Variants in DPH5 observed in about 807,000 individuals in gnomAD.
The protein encoded by DPH5 is diphthine methyl ester synthase.
In DPH5, 31 loss-of-function variants were observed where a neutral mutation model predicts 31.6. That is an observed-to-expected ratio of 0.98 (90% CI 0.74 to 1.32). The LOEUF (loss-of-function observed/expected upper bound fraction) is 1.32, where lower values mean the gene tolerates loss of function less well. Among genes scored for constraint, DPH5 ranks in the 40% most tolerant of loss-of-function variants. The pLI is 0.00. For missense variants in DPH5, 309 were observed against 335.7 expected (o/e 0.92, Z 0.62); for synonymous variants, 120 against 115.0 (o/e 1.04, Z -0.28).
chr1:100,999,425 G>C (rs1275879137), intron 5 of DPH5, among the ~76,000 whole-genome samples: 2 of 152,190 alleles, frequency 1.3e-5, no homozygotes, highest in African/African-American at 4.8e-5. Context: ...ACTCCAGCCT[G>C]GGAGACAGAG....
Position 101,001,569 on chromosome 1 carries a change from T to C in DPH5, c.388A>G (p.Thr130Ala). The C allele has an allele frequency of 6.3e-7, 1 of 1,595,852 alleles. No homozygotes were observed. Among genetic ancestry groups the C allele is most frequent in the Non-Finnish European group, 8.6e-7 (1 of 1,164,604 alleles). ...TCTGTCCAAAAAACAATAGAAACTGTCTCTCCAAACTTATATAACTAGAAA... is the reference window on the plus strand; with the variant it reads ...TCTGTCCAAAAAACAATAGAAACTGCCTCTCCAAACTTATATAACTAGAAA... Reference protein sequence around the residue: ...CGLQLYKFGETVSIVFWTDTW... With the variant: ...CGLQLYKFGEAVSIVFWTDTW... Residue 130 changes from threonine (T) to alanine (A), a missense_variant, in exon 5 of 8, where the codon ACA (threonine) becomes GCA (alanine). By Grantham distance (58) the Thr-to-Ala change is moderately conservative (BLOSUM62 0). Transcript: ENST00000370109.
intron 3 of DPH5, 131 bp from the exon 4 acceptor site, chr1:101,013,949 C>T: frequency 1.6e-6 from 1 of 627,584 alleles, no homozygotes. Context: ...CACACACCTG[C>T]ATAAGGCTTT....
At chr1:100,993,908 T>C (rs2101146145) in intron 6 of DPH5, among the ~76,000 whole-genome samples, 1 of 151,520 alleles carries the variant, frequency 6.6e-6, no homozygotes, top group Non-Finnish European at 1.5e-5. Context: ...GCCTGGCTAA[T>C]TTTTTTTGTA....
chr1:101,025,764 C>T lies in DPH5; in HGVS notation c.-105G>A. The T allele has an allele frequency of 3.3e-6, 1 of 302,232 alleles. No individual in the cohort carries two copies. The allele number at this position is 302,232 out of a possible 1,614,324, so 18.7% of individuals were successfully genotyped here. ...TTCCGCAGAAGCAACTGCAAAAGCG[C>T]CGGCTCCGTGCAGAGAAAAGGCCCA... is the stretch of plus-strand genomic sequence containing the variant. On this transcript the variant is annotated 5_prime_UTR_variant, in exon 1 of 8. Transcript: ENST00000370109.
At chr1:101,011,293 A>G (rs1271814790) in intron 4 of DPH5, among the ~76,000 whole-genome samples, 1 of 152,224 alleles carries the variant, frequency 6.6e-6, no homozygotes, top group East Asian at 1.9e-4. Flanking sequence ...TTTCAGTGGT[A>G]TAAGAAGTAT....
intron 6 of DPH5, among the ~76,000 whole-genome samples, chr1:100,993,598 A>ATATATATATATATATATG (rs71084858): frequency 2.3e-5 from 3 of 128,258 alleles, no homozygotes; most frequent in East Asian, 4.5e-4. Flanking sequence ...ATATATATAT[A>ATATATATATATATATATG]GCTATTGTGG....
chr1:101,007,716 C>A (rs778024837), intron 4 of DPH5, among the ~76,000 whole-genome samples: 9 of 150,338 alleles, frequency 6.0e-5, no homozygotes, highest in Non-Finnish European at 1.2e-4. Flanking sequence ...CTCCGTCCCC[C>A]CCGAAAAAAA....
Position 101,025,773 on chromosome 1 carries a change from T to A in DPH5, c.-114A>T. The A allele has an allele frequency of 3.7e-6, 1 of 272,288 alleles. No homozygotes were observed. Among genetic ancestry groups the A allele is most frequent in the Non-Finnish European group, 7.1e-6 (1 of 141,514 alleles). 16.9% of individuals were successfully genotyped at this position (272,288 alleles called of 1,614,324 possible). A position where few individuals can be genotyped will look rare whatever the true frequency, so the allele number is the denominator to read the frequency against. On this transcript the variant is annotated 5_prime_UTR_variant, in exon 1 of 8. Coordinates refer to ENST00000370109, the MANE Select transcript of DPH5 (RefSeq NM_015958.3). The stretch of plus-strand genomic sequence containing the variant: ...AGCAACTGCAAAAGCGCCGGCTCCG[T>A]GCAGAGAAAAGGCCCACGCCGCCGG...
intron 3 of DPH5, among the ~76,000 whole-genome samples, chr1:101,016,808 C>T (rs1424669399): frequency 6.6e-6 from 1 of 152,128 alleles, no homozygotes; most frequent in Non-Finnish European, 1.5e-5. Flanking sequence ...AGACATGTGA[C>T]TCTTTCACTT....
rs1337004978 is a variant in DPH5 at position 100,992,742 on chromosome 1, T to G, written c.531-2A>C. 1.2e-6 allele frequency: 2 copies of G among 1,607,046 alleles called. No individual in the cohort carries two copies. The highest frequency in any genetic ancestry group is 8.5e-7 in the Non-Finnish European group (1 of 1,174,322). On this transcript the variant is annotated splice_acceptor_variant, in intron 6 of 7. Transcript: ENST00000370109. LOFTEE classifies it high-confidence loss of function. Reference sequence around the variant, plus strand: ...GGAGGTTCATAGATCTTCCTTCCCCTATAGGCAGAAAACTAGATGCCACTG... The same window carrying G: ...GGAGGTTCATAGATCTTCCTTCCCCGATAGGCAGAAAACTAGATGCCACTG...
chr1:101,018,068 G>C (rs1185125316), intron 3 of DPH5, among the ~76,000 whole-genome samples: 1 of 151,994 alleles, frequency 6.6e-6, no homozygotes, highest in East Asian at 1.9e-4. Flanking sequence ...TCATATATGT[G>C]TATATGTATG....
chr1:101,021,202 A>T (rs779146818), intron 3 of DPH5, among the ~76,000 whole-genome samples: 12 of 152,208 alleles, frequency 7.9e-5, no homozygotes, highest in Non-Finnish European at 1.5e-4. Context: ...AAGCAAAGTG[A>T]CGGCAGTATT....
intron 5 of DPH5, among the ~76,000 whole-genome samples, chr1:100,998,281 C>T (rs927461316): frequency 1.3e-5 from 2 of 151,982 alleles, no homozygotes; most frequent in South Asian, 2.1e-4. Context: ...GAGGTTGAGA[C>T]GGGCAGATCA....
intron 2 of DPH5, chr1:101,023,207 T>C (rs1660589618): frequency 6.6e-6 from 1 of 151,844 alleles, no homozygotes; most frequent in Non-Finnish European, 1.5e-5. Flanking sequence ...TAAAAAAACA[T>C]AATAAATAAT....
chr1:100,993,557 TAA>T (rs1491387421), intron 6 of DPH5, among the ~76,000 whole-genome samples: 4 of 76,934 alleles, frequency 5.2e-5, no homozygotes, highest in Admixed American at 4.8e-4. Context: ...GTCGAAAATA[TAA>T]ATATATATAT....
intron 3 of DPH5, among the ~76,000 whole-genome samples, chr1:101,015,221 CAAAA>C (rs1659991012): frequency 6.6e-6 from 1 of 150,444 alleles, no homozygotes; most frequent in Non-Finnish European, 1.5e-5. Flanking sequence ...TACAGCCTCA[CAAAA>C]TATATTTCTT....
At chr1:101,000,589 C>T (rs1384890904) in intron 5 of DPH5, among the ~76,000 whole-genome samples, 1 of 152,196 alleles carries the variant, frequency 6.6e-6, no homozygotes, top group East Asian at 1.9e-4. Flanking sequence ...ACAGTACTCT[C>T]TAACTAGTAA....
At chr1:101,010,197 T>C (rs996733509) in intron 4 of DPH5, among the ~76,000 whole-genome samples, 2 of 152,240 alleles carry the variant, frequency 1.3e-5, no homozygotes, top group African/African-American at 4.8e-5. Flanking sequence ...GTTAACAGTA[T>C]TTGTTGAATG....
chr1:101,022,338 T>C (rs1660515212), intron 2 of DPH5, among the ~76,000 whole-genome samples: 1 of 152,234 alleles, frequency 6.6e-6, no homozygotes, highest in South Asian at 2.1e-4. Flanking sequence ...CCTTAGTTTC[T>C]GCTAAAAAGG....
Sources: allele counts gnomAD v4.1 joint callset (sites outside exome capture counted in the v4.1 genomes callset), GRCh38; gene constraint gnomAD v4.1.1; transcripts MANE v1.5; gene names NCBI Gene and HGNC (gene_info 2026-07-23, HGNC 2026-07-21).